The following VAV1 variants were observed in gnomAD, a reference collection of about 807,000 sequenced individuals.
VAV1 encodes the protein vav guanine nucleotide exchange factor 1.
A neutral mutation model predicts 128.1 loss-of-function variants in VAV1; 33 were observed. The ratio of observed to expected loss-of-function variants is 0.26; its 90% CI spans 0.20 to 0.34. The LOEUF is 0.34. VAV1 is among the 10% of genes least tolerant of loss of function. The pLI is 1.00. For synonymous variants in VAV1, 394 were observed against 409.8 expected (o/e 0.96, Z 0.47); for missense variants, 715 against 1,093.7 (o/e 0.65, Z 4.88).
At position 6,777,108 on chromosome 19, in the gene VAV1, T is replaced by TCATCCATCCATC. The variant is rs371563464; in HGVS notation, c.204+4112_204+4123dup. Among the ~76,000 whole-genome samples, 16 of 150,426 alleles carry TCATCCATCCATC rather than the reference T, an allele frequency of 1.1e-4. No individual in the cohort carries two copies. Among genetic ancestry groups the TCATCCATCCATC allele is most frequent in the African/African-American group, 3.9e-4 (16 of 40,942 alleles). On this transcript the variant is annotated intron_variant, in intron 1 of 26. Transcript: ENST00000602142. The surrounding 1 kb of genome is among the most constrained non-coding windows in gnomAD (Gnocchi z 4.4). ...CCCACCCACCCATCCATCCATCTAC[T>TCATCCATCCATC]CATCCATCCATCCATCCATCCATCC...
intron 26 of VAV1, among the ~76,000 whole-genome samples, chr19:6,856,132 T>C (rs1972793359): frequency 6.6e-6 from 1 of 152,032 alleles, no homozygotes; most frequent in Non-Finnish European, 1.5e-5. Context: ...CTGTCTTAAC[T>C]AAAGATACAA....
chr19:6,812,207 G>A (rs888486578), intron 1 of VAV1, among the ~76,000 whole-genome samples: 14 of 152,288 alleles, frequency 9.2e-5, no homozygotes, highest in African/African-American at 3.1e-4. Context: ...GCCTCTGCCC[G>A]AGGTAGACAG....
intron 1 of VAV1, among the ~76,000 whole-genome samples, chr19:6,793,150 C>T (rs890171529): frequency 6.6e-6 from 1 of 151,984 alleles, no homozygotes; most frequent in Admixed American, 6.6e-5. Flanking sequence ...CTGGCTAACA[C>T]GGTGAAACCT....
intron 1 of VAV1, among the ~76,000 whole-genome samples, chr19:6,798,362 T>C (rs565589090): frequency 6.6e-6 from 1 of 152,186 alleles, no homozygotes; most frequent in Admixed American, 6.5e-5. Context: ...GCATGGTGCC[T>C]GAAGCCTGTA....
At chr19:6,807,314 G>T (rs1168614975) in intron 1 of VAV1, among the ~76,000 whole-genome samples, 1 of 151,930 alleles carries the variant, frequency 6.6e-6, no homozygotes, top group Non-Finnish European at 1.5e-5. Flanking sequence ...CCATCTGGGG[G>T]TGATGGGAGA....
intron 19 of VAV1, among the ~76,000 whole-genome samples, 199 bp downstream of exon 19, chr19:6,834,152 ATT>A (rs113339841): frequency 6.1e-5 from 9 of 147,866 alleles, no homozygotes; most frequent in African/African-American, 2.2e-4. Flanking sequence ...CGCCTAGCTA[ATT>A]TTTTTTTTTT....
chr19:6,854,153 G>A (rs975174928), intron 26 of VAV1, 55 bp downstream of exon 26: 2 of 1,594,104 alleles, frequency 1.3e-6, no homozygotes, highest in African/African-American at 2.7e-5. Flanking sequence ...GCTGGTGGTG[G>A]ACGAGACTGG....
intron 24 of VAV1, among the ~76,000 whole-genome samples, chr19:6,852,720 C>CAAA (rs201171114): frequency 7.2e-6 from 1 of 138,608 alleles, no homozygotes; most frequent in African/African-American, 3.1e-5. Flanking sequence ...GACTCCGTCT[C>CAAA]AAAGAAAAAA....
In VAV1 at chr19:6,837,031, G is replaced by T; in HGVS notation, c.1961G>T (p.Arg654Met). ...GAAATTGGCTGGTTTCCTTGTAACA[G>T]GGTGAAGCCCTATGTCCATGTGAGT... ...TNEIGWFPCN[R>M]VKPYVHGPPQ... The change falls in exon 21 of 27, where the codon AGG (arginine) becomes ATG (methionine). Residue 654 changes from arginine to methionine, a missense_variant. Physicochemically the swap from Arg to Met is moderately conservative, Grantham distance 91. Around this residue, in one of 3 missense-constraint regions of VAV1, gnomAD observed 407 missense variants for 580.6 expected, o/e 0.70. Coordinates refer to ENST00000602142, the MANE Select transcript of VAV1 (RefSeq NM_005428.4). The T allele has an allele frequency of 6.2e-7, 1 of 1,614,146 alleles. No homozygotes were observed. The highest frequency in any genetic ancestry group is 8.5e-7 in the Non-Finnish European group (1 of 1,180,002).
At chr19:6,813,953 G>T (rs1257576463) in intron 1 of VAV1, among the ~76,000 whole-genome samples, 2 of 152,034 alleles carry the variant, frequency 1.3e-5, no homozygotes, top group Non-Finnish European at 2.9e-5. Flanking sequence ...CCAGCTACTT[G>T]GGAGACTGAC....
In VAV1 at chr19:6,825,040, C is replaced by G. The variant is rs1189290812; in HGVS notation, c.655-13C>G. The G allele has an allele frequency of 1.9e-6, 3 of 1,613,974 alleles. No individual in the cohort carries two copies. Among genetic ancestry groups the G allele is most frequent in the Non-Finnish European group, 8.5e-7 (1 of 1,179,946 alleles). On this transcript the variant is annotated splice_polypyrimidine_tract_variant and intron_variant, in intron 6 of 26. Transcript: ENST00000602142. ...ATCTTATCTTCCGTCATCTTTCTCT[C>G]CCTTCCCCGCAGCATTTCTTGAAGC...
At chr19:6,848,488 A>C (rs1440697117) in intron 23 of VAV1, among the ~76,000 whole-genome samples, 1 of 150,072 alleles carries the variant, frequency 6.7e-6, no homozygotes, top group Non-Finnish European at 1.5e-5. Context: ...AGCTCACTGC[A>C]ACCTCCCAGG....
chr19:6,831,104 A>T (rs528523036), intron 14 of VAV1, among the ~76,000 whole-genome samples: 1 of 152,126 alleles, frequency 6.6e-6, no homozygotes, highest in African/African-American at 2.4e-5. Context: ...TAAATGAATG[A>T]AACAGGAGAT....
intron 22 of VAV1, among the ~76,000 whole-genome samples, chr19:6,843,615 C>T (rs746473671): frequency 3.9e-5 from 6 of 152,022 alleles, no homozygotes; most frequent in Non-Finnish European, 8.8e-5. Context: ...GACCTTGGGC[C>T]GGTTACTTAA....
At chr19:6,797,622 G>T (rs1971166473) in intron 1 of VAV1, among the ~76,000 whole-genome samples, 1 of 151,822 alleles carries the variant, frequency 6.6e-6, no homozygotes, top group African/African-American at 2.4e-5. Flanking sequence ...AGAATTGTTT[G>T]AACCCCGGGG....
intron 21 of VAV1, among the ~76,000 whole-genome samples, chr19:6,839,880 T>C (rs920228696): frequency 1.3e-5 from 2 of 151,890 alleles, no homozygotes; most frequent in African/African-American, 2.4e-5. Flanking sequence ...TTCGTAGCGA[T>C]GGGGTTTTGC....
chr19:6,798,663 C>CT (rs998355457), intron 1 of VAV1, among the ~76,000 whole-genome samples: 16 of 151,328 alleles, frequency 1.1e-4, no homozygotes, highest in African/African-American at 3.9e-4. Context: ...TCCCCTTCCC[C>CT]CCCCCACCCA....
chr19:6,805,583 T>TACACACACACACACACACACACACACAC (rs55732746), intron 1 of VAV1, among the ~76,000 whole-genome samples: 3 of 139,086 alleles, frequency 2.2e-5, no homozygotes, highest in African/African-American at 5.3e-5. Flanking sequence ...TTTCTACAGA[T>TACACACACACACACACACACACACACAC]ACACACACAC....
chr19:6,822,419 C>T lies in VAV1; in HGVS notation c.559C>T (p.Pro187Ser). The T allele has an allele frequency of 6.4e-7, 1 of 1,560,088 alleles. No individual in the cohort carries two copies. The highest frequency in any genetic ancestry group is 2.4e-5 in the East Asian group (1 of 41,690). ...LMRSEPVSMP[P>S]KMTEYDKRCC... ...CACCGGCCTCTCCCCTCGCTCTCAG[C>T]CCAAGATGACAGAGTATGACAAGCG... The change falls in exon 6 of 27, where the codon CCC becomes TCC. Residue 187 changes from proline to serine, a missense_variant and splice_region_variant. Around this residue, in one of 3 missense-constraint regions of VAV1, gnomAD observed 302 missense variants for 477.8 expected, o/e 0.63. Transcript: ENST00000602142. The surrounding 1 kb of genome is among the most constrained non-coding windows in gnomAD (Gnocchi z 5.9).
Sources: gnomAD v4.1 joint callset for allele counts (sites outside exome capture counted in the v4.1 genomes callset) on GRCh38, gnomAD v4.1.1 for gene constraint, gnomAD v4.1.1 regional missense constraint, Gnocchi (gnomAD v3.1) non-coding constraint, MANE v1.5 for transcripts, NCBI Gene and HGNC (gene_info 2026-07-23, HGNC 2026-07-21) for gene names.